FLT4: variants seen among roughly 807,000 people sequenced by gnomAD.
The protein encoded by FLT4 is fms related receptor tyrosine kinase 4.
FLT4 carries 30 observed loss-of-function variants against 163.2 expected under a neutral mutation model. The ratio of observed to expected loss-of-function variants is 0.18; its 90% CI spans 0.14 to 0.25. The LOEUF is 0.25. FLT4 is among the 10% of genes least tolerant of loss of function. The probability of loss-of-function intolerance (pLI) is 1.00; values close to 1 mark genes in which losing one functional copy is unlikely to be tolerated. For synonymous variants in FLT4, 884 were observed against 789.5 expected (o/e 1.12, Z -2.01); for missense variants, 1,510 against 1,863.8 (o/e 0.81, Z 3.50).
In FLT4 at chr5:180,620,960, G is replaced by A. The variant is rs1396050542; in HGVS notation, c.2215C>T (p.Arg739Cys). 6.2e-7 allele frequency: 1 copy of A among 1,610,448 alleles called. No individual in the cohort carries two copies. The highest frequency in any genetic ancestry group is 1.7e-5 in the Admixed American group (1 of 59,724). ...AGATAGCGTCCCGCATCCTCCTCGCGCACGCGCTGGATGCTCAGCTTCTGG... is the reference window on the plus strand; with the variant it reads ...AGATAGCGTCCCGCATCCTCCTCGCACACGCGCTGGATGCTCAGCTTCTGG... Reference protein sequence around the residue: ...SNQKLSIQRVREEDAGRYLCS... With the variant: ...SNQKLSIQRVCEEDAGRYLCS... Residue 739 changes from arginine (R) to cysteine (C), a missense_variant, in exon 15 of 30, where the codon CGC becomes TGC. By Grantham distance (180) the Arg-to-Cys change is radical. Around this residue, in one of 5 missense-constraint regions of FLT4, gnomAD observed 878 missense variants for 1,016.7 expected, o/e 0.86. Transcript: ENST00000261937. The surrounding 1 kb of genome is among the most constrained non-coding windows in gnomAD (Gnocchi z 4.4).
chr5:180,611,044 G>A lies in FLT4; in HGVS notation c.3686+287C>T, dbSNP rs188398543. On this transcript the variant is annotated intron_variant, in intron 27 of 29. Coordinates refer to ENST00000261937, the MANE Select transcript of FLT4 (RefSeq NM_182925.5). ...TGCACTCCAGCCTGGGCGACAGAGC[G>A]AGACTCCGTCTCAAAAAAATAAATA... Among the ~76,000 whole-genome samples, 621 of 152,268 alleles carry A rather than the reference G, an allele frequency of 4.1e-3. 4 individuals carry two copies. Among genetic ancestry groups the A allele is most frequent in the African/African-American group, 0.014 (577 of 41,532 alleles).
Position 180,609,239 on chromosome 5 carries a change from G to A in FLT4, c.3808-186C>T, listed in dbSNP as rs11750658. The stretch of plus-strand genomic sequence containing the variant: ...GGTGAGGGTCACATGCCCCTGCCAC[G>A]GAGGGAGACACTGAGGTCAGGGGGG... On this transcript the variant is annotated intron_variant, in intron 28 of 29. Transcript: ENST00000261937. The A allele has an allele frequency of 0.2, 127,402 of 640,684 alleles. 13,704 individuals are homozygous for A. The highest frequency in any genetic ancestry group is 0.27 in the Middle Eastern group (668 of 2,512). 39.7% of individuals were successfully genotyped at this position (640,684 alleles called of 1,614,324 possible). A position where few individuals can be genotyped will look rare whatever the true frequency, so the allele number is the denominator to read the frequency against.
intron 21 of FLT4, among the ~76,000 whole-genome samples, chr5:180,618,224 C>T (rs1288930060): frequency 1.1e-5 from 1 of 94,896 alleles, no homozygotes; most frequent in African/African-American, 4.0e-5. Context: ...ACACCCACGT[C>T]CTACTCCCAG....
chr5:180,618,382 C>A, intron 21 of FLT4, among the ~76,000 whole-genome samples: 1 of 110,246 alleles, frequency 9.1e-6, no homozygotes, highest in Non-Finnish European at 2.0e-5. Context: ...ACATCCTACT[C>A]CAGAGCACCC....
chr5:180,649,047 G>A (rs1480038855), intron 1 of FLT4, among the ~76,000 whole-genome samples: 2 of 152,220 alleles, frequency 1.3e-5, no homozygotes, highest in African/African-American at 4.8e-5. Context: ...CTGGGCGTCG[G>A]GAAGTGCGCA....
chr5:180,644,118 T>C (rs995072216), intron 1 of FLT4, among the ~76,000 whole-genome samples: 1 of 152,198 alleles, frequency 6.6e-6, no homozygotes, highest in Non-Finnish European at 1.5e-5. Flanking sequence ...TGACCCGCTC[T>C]TAACGGTTCT....
intron 29 of FLT4, among the ~76,000 whole-genome samples, chr5:180,604,720 A>G (rs556242022): frequency 2.0e-5 from 3 of 152,270 alleles, no homozygotes; most frequent in South Asian, 2.1e-4. Context: ...GGTGCTTTGC[A>G]TGGTGCTACT....
At position 180,631,796 on chromosome 5, in the gene FLT4, G is replaced by T. The variant is rs1291169614; in HGVS notation, c.59-18C>A. On this transcript the variant is annotated intron_variant, in intron 1 of 29. Coordinates refer to ENST00000261937, the MANE Select transcript of FLT4 (RefSeq NM_182925.5). ...CACCAGGCCTGGGGTGGGAGACAGG[G>T]TCAGCGTGGTGCTGGGCTGTGACTT... The T allele has an allele frequency of 3.8e-6, 6 of 1,563,694 alleles. No individual in the cohort carries two copies. Among genetic ancestry groups the T allele is most frequent in the Non-Finnish European group, 4.4e-6 (5 of 1,140,058 alleles).
intron 29 of FLT4, among the ~76,000 whole-genome samples, chr5:180,605,074 C>A (rs1295288492): frequency 1.3e-5 from 2 of 152,238 alleles, no homozygotes; most frequent in Non-Finnish European, 2.9e-5. Flanking sequence ...AACTCTCCCA[C>A]CTCAGCCTGC....
intron 1 of FLT4, among the ~76,000 whole-genome samples, chr5:180,632,275 C>T (rs1446208621): frequency 2.6e-5 from 4 of 152,168 alleles, no homozygotes; most frequent in African/African-American, 7.2e-5. Flanking sequence ...TGCCAGGGGC[C>T]TCGCCCCCTC....
chr5:180,649,122 G>A (rs1765624920), intron 1 of FLT4, among the ~76,000 whole-genome samples: 1 of 151,842 alleles, frequency 6.6e-6, no homozygotes, highest in Non-Finnish European at 1.5e-5. Context: ...CGCGGCGCGG[G>A]GACCCCGCGG....
rs202063909 is a variant in FLT4 at position 180,630,702 on chromosome 5, C to T, written c.253G>A (p.Glu85Lys). 42 of 1,612,752 alleles carry T rather than the reference C, an allele frequency of 2.6e-5. No individual in the cohort carries two copies. The highest frequency in any genetic ancestry group is 1.5e-4 in the Admixed American group (9 of 60,024). The change falls in exon 3 of 30, where the codon GAG becomes AAG. Residue 85 changes from glutamate (E) to lysine (K), a missense_variant. Physicochemically the swap from Glu to Lys is moderately conservative, Grantham distance 56. Coordinates refer to ENST00000261937, the MANE Select transcript of FLT4 (RefSeq NM_182925.5). The surrounding 1 kb of genome is among the most constrained non-coding windows in gnomAD (Gnocchi z 6.3). ...SEDTGVVRDC[E>K]GTDARPYCKV... ...CAGTAGGGCCTGGCGTCTGTGCCCT[C>T]GCAGTCTCGCACCACCCCCGTGTCC... is the stretch of plus-strand genomic sequence containing the variant.
chr5:180,614,245 T>G, intron 23 of FLT4, 66 bp from the exon 24 acceptor site: 1 of 1,059,480 alleles, frequency 9.4e-7, no homozygotes, highest in South Asian at 1.3e-5. Context: ...TGTCCCGTGG[T>G]GGATGGGGAG....
chr5:180,614,896 G>A (rs1410988638), intron 23 of FLT4, among the ~76,000 whole-genome samples: 1 of 151,992 alleles, frequency 6.6e-6, no homozygotes, highest in African/African-American at 2.4e-5. Flanking sequence ...CCCCAGGCGC[G>A]GAACCCTGAC....
chr5:180,619,426 C>CTGGCCGCTTAATAAGGCACAG (rs70973949), intron 18 of FLT4, 60 bp from the exon 19 acceptor site: 2 of 1,385,252 alleles, frequency 1.4e-6, no homozygotes, highest in Admixed American at 3.4e-5. Flanking sequence ...TTCCCCGCCA[C>CTGGCCGCTTAATAAGGCACAG]CCGGCGCTTT....
intron 1 of FLT4, among the ~76,000 whole-genome samples, chr5:180,649,234 C>G (rs1277522352): frequency 2.6e-5 from 4 of 151,586 alleles, no homozygotes; most frequent in African/African-American, 9.7e-5. Flanking sequence ...ATTCAGGGGC[C>G]GGGAGAGCTA....
chr5:180,646,780 C>T (rs1016308964), intron 1 of FLT4, among the ~76,000 whole-genome samples: 10 of 152,154 alleles, frequency 6.6e-5, no homozygotes, highest in Non-Finnish European at 1.2e-4. Flanking sequence ...TTCCCTGGGT[C>T]GGGGTGCCAC....
intron 1 of FLT4, among the ~76,000 whole-genome samples, chr5:180,632,460 C>T (rs967812619): frequency 6.6e-5 from 10 of 152,184 alleles, no homozygotes; most frequent in Non-Finnish European, 1.5e-5. Context: ...TCTCACAGGG[C>T]TCTTCCTCAG....
chr5:180,612,656 G>T, intron 25 of FLT4, 45 bp from the exon 26 acceptor site: 1 of 1,370,200 alleles, frequency 7.3e-7, no homozygotes, highest in Non-Finnish European at 1.0e-6. Flanking sequence ...CCCCACCCCC[G>T]TCCCAGGACC....
Sources: gnomAD v4.1 joint callset for allele counts (sites outside exome capture counted in the v4.1 genomes callset) on GRCh38, gnomAD v4.1.1 for gene constraint, gnomAD v4.1.1 regional missense constraint, Gnocchi (gnomAD v3.1) non-coding constraint, MANE v1.5 for transcripts, NCBI Gene and HGNC (gene_info 2026-07-23, HGNC 2026-07-21) for gene names.